The following SPOCK3 variants were observed in gnomAD, a reference collection of about 807,000 sequenced individuals.
SPOCK3 encodes testican-3.
SPOCK3 carries 30 observed loss-of-function variants against 56.6 expected under a neutral mutation model. The observed-to-expected ratio is 0.53, with a 90% CI of 0.40 to 0.72. SPOCK3 has a LOEUF of 0.72. SPOCK3 is among the 30% of genes least tolerant of loss of function. The probability of loss-of-function intolerance (pLI) is 0.00; values close to 1 mark genes in which losing one functional copy is unlikely to be tolerated. For synonymous variants in SPOCK3, 196 were observed against 183.3 expected (o/e 1.07, Z -0.56); for missense variants, 527 against 530.0 (o/e 0.99, Z 0.06).
chr4:167,188,861 A>C (rs1230608235), intron 2 of SPOCK3, among the ~76,000 whole-genome samples: 1 of 146,422 alleles, frequency 6.8e-6, no homozygotes, highest in Non-Finnish European at 1.5e-5. Flanking sequence ...AATTGACAAA[A>C]TGATTAAAAG....
In SPOCK3 at chr4:166,954,139, T is replaced by C. The variant is rs867930371; in HGVS notation, c.351-41396A>G. Among the ~76,000 whole-genome samples, 22 of 152,304 alleles carry C rather than the reference T, an allele frequency of 1.4e-4. 1 individual carries two copies. The highest frequency in any genetic ancestry group is 6.8e-3 in the Middle Eastern group (2 of 294). On this transcript the variant is annotated intron_variant, in intron 4 of 10. Coordinates refer to ENST00000357545, the MANE Select transcript of SPOCK3 (RefSeq NM_001040159.2). ...TTGCCCATTTTTAAATCAGGTTGTT[T>C]TCTATTGAGTTATCTGAGTTCCTTT... is the stretch of plus-strand genomic sequence containing the variant.
In SPOCK3 at chr4:167,009,901, T is replaced by C. The variant is rs565636864; in HGVS notation, c.236-9438A>G. Among the ~76,000 whole-genome samples the C allele has an allele frequency of 4.0e-5, 6 of 151,848 alleles. No individual in the cohort carries two copies. In the South Asian group the frequency reaches 1.2e-3, roughly 32 times the overall value. On this transcript the variant is annotated intron_variant, in intron 3 of 10. Coordinates refer to ENST00000357545, the MANE Select transcript of SPOCK3 (RefSeq NM_001040159.2). ...GAAATATAAAAACAACATGATAATA[T>C]GAAAAAAATTAAAACAGACTTTCTA... is the stretch of plus-strand genomic sequence containing the variant.
chr4:167,131,811 C>T (rs1401450244), intron 2 of SPOCK3, among the ~76,000 whole-genome samples: 2 of 152,058 alleles, frequency 1.3e-5, no homozygotes, highest in Non-Finnish European at 2.9e-5. Flanking sequence ...TTTTTTAACG[C>T]TGCAAGAGAA....
chr4:166,983,073 T>C (rs1264298909), intron 4 of SPOCK3, among the ~76,000 whole-genome samples: 1 of 152,166 alleles, frequency 6.6e-6, no homozygotes, highest in Non-Finnish European at 1.5e-5. Flanking sequence ...TGTATTTGCA[T>C]TTTAATAATG....
intron 6 of SPOCK3, among the ~76,000 whole-genome samples, chr4:166,861,521 T>C (rs1367502629): frequency 1.3e-5 from 2 of 152,156 alleles, no homozygotes; most frequent in Admixed American, 6.6e-5. Context: ...TTAAATATAA[T>C]GCCAAGAGTG....
At chr4:166,940,806 TACTACTAGTAAGCA>T (rs1740959545) in intron 4 of SPOCK3, among the ~76,000 whole-genome samples, 1 of 144,002 alleles carries the variant, frequency 6.9e-6, no homozygotes, top group African/African-American at 2.6e-5. Context: ...CACTAGTTGC[TACTACTAGTAAGCA>T]ACTAGTGCTT....
At chr4:167,133,534 T>C (rs773077682) in intron 2 of SPOCK3, among the ~76,000 whole-genome samples, 6 of 152,194 alleles carry the variant, frequency 3.9e-5, no homozygotes, top group Non-Finnish European at 8.8e-5. Context: ...TATCCAGTAG[T>C]AGATGTCTTA....
At chr4:166,970,611 C>A (rs571378125) in intron 4 of SPOCK3, among the ~76,000 whole-genome samples, 1 of 151,982 alleles carries the variant, frequency 6.6e-6, no homozygotes, top group South Asian at 2.1e-4. Flanking sequence ...GTAATCCCAG[C>A]TACTTGGGAG....
intron 2 of SPOCK3, among the ~76,000 whole-genome samples, chr4:167,219,912 G>A (rs764322842): frequency 2.0e-5 from 3 of 152,008 alleles, no homozygotes; most frequent in Admixed American, 6.6e-5. Flanking sequence ...AATTCTAGAC[G>A]TAGAGGACTT....
chr4:167,116,556 G>A (rs1469885354), intron 2 of SPOCK3, among the ~76,000 whole-genome samples: 7 of 106,424 alleles, frequency 6.6e-5, no homozygotes, highest in Non-Finnish European at 1.3e-4. Flanking sequence ...ATATATATGA[G>A]TATATATACT....
At chr4:166,940,995 T>C (rs1054469185) in intron 4 of SPOCK3, among the ~76,000 whole-genome samples, 3 of 151,696 alleles carry the variant, frequency 2.0e-5, no homozygotes, top group African/African-American at 7.3e-5. Context: ...CAAATATTAT[T>C]TTTCTTTTGC....
At chr4:167,000,327 G>A (rs756678915) in intron 4 of SPOCK3, 22 bp downstream of exon 4, 8 of 1,220,856 alleles carry the variant, frequency 6.6e-6, no homozygotes, top group Non-Finnish European at 8.3e-6. Context: ...CAATCAGTGG[G>A]ATTAAATTTA....
intron 6 of SPOCK3, among the ~76,000 whole-genome samples, chr4:166,886,362 TATGAGTTAGAA>T (rs1188285747): frequency 1.3e-5 from 2 of 152,130 alleles, no homozygotes; most frequent in Non-Finnish European, 2.9e-5. Flanking sequence ...ATACTAAATT[TATGAGTTAGAA>T]AATGAGAAAA....
At chr4:166,837,552 A>G (rs750751132) in intron 6 of SPOCK3, among the ~76,000 whole-genome samples, 1 of 152,112 alleles carries the variant, frequency 6.6e-6, no homozygotes, top group Non-Finnish European at 1.5e-5. Context: ...TCATTTCACT[A>G]GTTGTAAAGA....
chr4:167,182,119 T>C (rs1235216645), intron 2 of SPOCK3, among the ~76,000 whole-genome samples: 1 of 152,224 alleles, frequency 6.6e-6, no homozygotes, highest in Non-Finnish European at 1.5e-5. Context: ...TTACAATTTG[T>C]AAAATTCTAG....
intron 3 of SPOCK3, among the ~76,000 whole-genome samples, chr4:167,044,696 C>G (rs1753558111): frequency 6.6e-6 from 1 of 152,008 alleles, no homozygotes; most frequent in Non-Finnish European, 1.5e-5. Flanking sequence ...AAGTATGTTG[C>G]TTAATCAACA....
chr4:167,036,345 T>C (rs989861844), intron 3 of SPOCK3, among the ~76,000 whole-genome samples: 1 of 152,196 alleles, frequency 6.6e-6, no homozygotes, highest in Non-Finnish European at 1.5e-5. Flanking sequence ...TTTCTTCTCC[T>C]TCATGGATGT....
intron 6 of SPOCK3, among the ~76,000 whole-genome samples, chr4:166,844,284 TA>T (rs1418334916): frequency 1.3e-5 from 2 of 152,250 alleles, no homozygotes; most frequent in Admixed American, 1.3e-4. Context: ...TAGGGTATGA[TA>T]TGCCTACCTT....
intron 2 of SPOCK3, among the ~76,000 whole-genome samples, chr4:167,102,922 GA>G (rs55740507): frequency 0.49 from 30,528 of 62,286 alleles, 6,184 homozygotes; most frequent in East Asian, 0.59. Context: ...ATAGCTTGCA[GA>G]AAAAAAAAAA....
Sources: allele counts gnomAD v4.1 joint callset (sites outside exome capture counted in the v4.1 genomes callset), GRCh38; gene constraint gnomAD v4.1.1; transcripts MANE v1.5; gene names NCBI Gene and HGNC (gene_info 2026-07-23, HGNC 2026-07-21).